The following RSPO4 variants were observed in gnomAD, a reference collection of about 807,000 sequenced individuals.
RSPO4 encodes the protein R-spondin 4, also known as R-spondin-4.
In RSPO4, 23 loss-of-function variants were observed where a neutral mutation model predicts 24.8. The ratio of observed to expected loss-of-function variants is 0.93; its 90% CI spans 0.67 to 1.31. RSPO4 has a LOEUF of 1.31. RSPO4 is among the 40% of genes most tolerant of loss of function. RSPO4 has a pLI of 0.00. For synonymous variants in RSPO4, 141 were observed against 127.4 expected, an observed-to-expected ratio of 1.11 and a Z score of -0.72; for missense variants, 333 against 316.5, an observed-to-expected ratio of 1.05 and a Z score of -0.39.
At chr20:977,257 G>A (rs2122233018) in intron 1 of RSPO4, among the ~76,000 whole-genome samples, 1 of 152,332 alleles carries the variant, frequency 6.6e-6, no homozygotes, top group East Asian at 1.9e-4. Flanking sequence ...CAGGTTCCCA[G>A]GTGATGCTGA....
At chr20:1,001,135 C>G (rs1443983815) in intron 1 of RSPO4, among the ~76,000 whole-genome samples, 1 of 152,230 alleles carries the variant, frequency 6.6e-6, no homozygotes, top group Non-Finnish European at 1.5e-5. Flanking sequence ...TGGACGACCC[C>G]TATGTCATGA....
intron 1 of RSPO4, among the ~76,000 whole-genome samples, chr20:990,895 G>A (rs1214664122): frequency 2.0e-5 from 3 of 152,216 alleles, no homozygotes; most frequent in Admixed American, 1.3e-4. Flanking sequence ...CACATGCTCC[G>A]CAGATGCGTG....
At chr20:964,801 C>CATAT (rs1460926802) in intron 3 of RSPO4, among the ~76,000 whole-genome samples, 4 of 87,496 alleles carry the variant, frequency 4.6e-5, no homozygotes, top group African/African-American at 2.1e-4. Context: ...CATATATACA[C>CATAT]ACATACACAC....
chr20:968,773 T>A (rs1212998117), intron 1 of RSPO4, among the ~76,000 whole-genome samples: 1 of 152,210 alleles, frequency 6.6e-6, no homozygotes, highest in African/African-American at 2.4e-5. Context: ...CATTTCTCAC[T>A]GTCACCATCA....
chr20:963,878 G>T, intron 4 of RSPO4, 57 bp downstream of exon 4: 1 of 1,551,278 alleles, frequency 6.4e-7, no homozygotes, highest in South Asian at 1.1e-5. Flanking sequence ...ATCTGAGTCC[G>T]CCCTGTCCCT....
chr20:967,098 C>T (rs1170303083), intron 3 of RSPO4, 76 bp downstream of exon 3: 4 of 1,453,398 alleles, frequency 2.8e-6, no homozygotes, highest in Non-Finnish European at 3.8e-6. Context: ...CTTCCAGGGC[C>T]CCTAACATCT....
In RSPO4 at chr20:1,002,169, G is replaced by A; in HGVS notation, c.-5C>T. On this transcript the variant is annotated 5_prime_UTR_variant, in exon 1 of 5. Coordinates refer to ENST00000217260, the MANE Select transcript of RSPO4 (RefSeq NM_001029871.4). The surrounding 1 kb of genome is among the most constrained non-coding windows in gnomAD (Gnocchi z 4.6). ...CAGGCAGAGTGGCGCCCGCATCTGG[G>A]CAGCCGGATCCGGGCTGGCGCTCCC... The A allele has an allele frequency of 1.9e-6, 3 of 1,540,326 alleles. No individual in the cohort carries two copies. Among genetic ancestry groups the A allele is most frequent in the South Asian group, 2.4e-5 (2 of 83,488 alleles).
intron 3 of RSPO4, among the ~76,000 whole-genome samples, chr20:964,831 CATATATAT>C (rs9305152): frequency 3.0e-5 from 4 of 133,272 alleles, no homozygotes; most frequent in African/African-American, 1.3e-4. Flanking sequence ...CACACACACA[CATATATAT>C]ATATATATAC....
At chr20:971,425 T>A (rs1231867195) in intron 1 of RSPO4, among the ~76,000 whole-genome samples, 1 of 152,242 alleles carries the variant, frequency 6.6e-6, no homozygotes. Flanking sequence ...ATTGCAGCAT[T>A]ATTTAATAGC....
chr20:968,110 T>C lies in RSPO4; in HGVS notation c.108A>G (p.Thr36=), dbSNP rs1291136470. ...QVGTGLGGNC[T]GCIICSEENG... is the part of the protein sequence containing the mutation. ...TCTCCTCTGAGCAGATGATACAGCC[T>C]GTGCAGTTGCCCCCCAGGCCAGTGC... is the stretch of plus-strand genomic sequence containing the variant. Residue 36 remains threonine (T), a synonymous_variant, in exon 2 of 5, where the codon ACA becomes ACG. Coordinates refer to ENST00000217260, the MANE Select transcript of RSPO4 (RefSeq NM_001029871.4). 2 of 1,614,128 alleles carry C rather than the reference T, an allele frequency of 1.2e-6. No homozygotes were observed. The highest frequency in any genetic ancestry group is 4.5e-5 in the East Asian group (2 of 44,878).
intron 1 of RSPO4, among the ~76,000 whole-genome samples, chr20:983,446 G>C (rs1021822727): frequency 2.0e-5 from 3 of 152,212 alleles, no homozygotes; most frequent in Non-Finnish European, 4.4e-5. Flanking sequence ...GGCCAGGATG[G>C]GGGTGAGGGT....
At chr20:969,924 A>C (rs1287189571) in intron 1 of RSPO4, among the ~76,000 whole-genome samples, 1 of 152,194 alleles carries the variant, frequency 6.6e-6, no homozygotes, top group Non-Finnish European at 1.5e-5. Flanking sequence ...CTGAGCCCCA[A>C]GACCACCCGG....
chr20:992,855 A>G (rs542628394), intron 1 of RSPO4, among the ~76,000 whole-genome samples: 1 of 152,276 alleles, frequency 6.6e-6, no homozygotes, highest in South Asian at 2.1e-4. Context: ...CATTTTGCAA[A>G]TTAGCCAACG....
At chr20:987,629 T>TA (rs555507708) in intron 1 of RSPO4, among the ~76,000 whole-genome samples, 266 of 143,870 alleles carry the variant, frequency 1.8e-3, no homozygotes, top group African/African-American at 4.9e-3. Context: ...TCTATGAAAA[T>TA]AAAAAAAAAA....
In RSPO4 at chr20:960,850, C is replaced by T. The variant is rs571256414; in HGVS notation, c.596-384G>A. On this transcript the variant is annotated intron_variant, in intron 4 of 4. Transcript: ENST00000217260. The stretch of plus-strand genomic sequence containing the variant: ...ATAGCTGAGCAGGCTCTGTGCTGGA[C>T]GCTGGACACCTTTCATCTGTGTCCC... 5.3e-5 allele frequency among the ~76,000 whole-genome samples: 8 copies of T among 152,318 alleles called. 1 individual carries two copies. The South Asian group carries it at 1.2e-3, about 24-fold the overall frequency.
At chr20:996,125 GT>G (rs199937552) in intron 1 of RSPO4, among the ~76,000 whole-genome samples, 2,219 of 152,300 alleles carry the variant, frequency 0.015, 56 homozygotes, top group African/African-American at 0.05. Context: ...CAGATTGTAT[GT>G]GGTTTGCAAG....
At chr20:975,703 C>A (rs1006637875) in intron 1 of RSPO4, among the ~76,000 whole-genome samples, 1 of 152,176 alleles carries the variant, frequency 6.6e-6, no homozygotes, top group Admixed American at 6.5e-5. Flanking sequence ...CATTCATCGA[C>A]CCATTCATTC....
chr20:967,838 C>T (rs1984263415), intron 2 of RSPO4, 112 bp downstream of exon 2: 1 of 1,121,820 alleles, frequency 8.9e-7, no homozygotes, highest in African/African-American at 1.5e-5. Context: ...AGAGTCTGGG[C>T]TTAGACATGC....
chr20:1,002,023 C>G lies in RSPO4; in HGVS notation c.79+63G>C, dbSNP rs1568938426. ...TGCCCCCAGAGCCGCCGCCCCCGGT[C>G]CTCCGGCCCCCGGTCTGCCCCGCAG... On this transcript the variant is annotated intron_variant, in intron 1 of 4. Coordinates refer to ENST00000217260, the MANE Select transcript of RSPO4 (RefSeq NM_001029871.4). This position sits in a 1 kb window ranked among gnomAD's most constrained non-coding sequence, Gnocchi z 4.6. The G allele has an allele frequency of 9.1e-6, 13 of 1,427,106 alleles. No homozygotes were observed. Among genetic ancestry groups the G allele is most frequent in the Non-Finnish European group, 1.2e-5 (12 of 1,041,840 alleles). The allele number at this position is 1,427,106 out of a possible 1,614,324, so 88.4% of individuals were successfully genotyped here.
Sources: gnomAD v4.1 joint callset for allele counts (sites outside exome capture counted in the v4.1 genomes callset) on GRCh38, gnomAD v4.1.1 for gene constraint, Gnocchi (gnomAD v3.1) non-coding constraint, MANE v1.5 for transcripts, NCBI Gene and HGNC (gene_info 2026-07-23, HGNC 2026-07-21) for gene names.